Variants in SOX6 observed in about 807,000 individuals in gnomAD.
The protein encoded by SOX6 is SRY-box transcription factor 6, also known as transcription factor SOX-6.
Under a neutral mutation model 97.8 loss-of-function variants are expected in SOX6, and 11 were observed. The ratio of observed to expected loss-of-function variants is 0.11; its 90% CI spans 0.07 to 0.19. The LOEUF (loss-of-function observed/expected upper bound fraction) is 0.19, where lower values mean the gene tolerates loss of function less well. Ranked by LOEUF, SOX6 falls within the 10% of genes least tolerant of loss-of-function variation. The pLI is 1.00. For synonymous variants in SOX6, 360 were observed against 371.4 expected (o/e 0.97, Z 0.35); for missense variants, 810 against 1,039.5 (o/e 0.78, Z 3.04).
At chr11:16,039,998 G>GA (rs1348617504) in intron 12 of SOX6, among the ~76,000 whole-genome samples, 2 of 151,910 alleles carry the variant, frequency 1.3e-5, no homozygotes, top group East Asian at 3.9e-4. Context: ...GCCATAATGG[G>GA]AGGTTAGGTC....
At chr11:16,578,990 T>C (rs1426157833) in intron 4 of SOX6, among the ~76,000 whole-genome samples, 1 of 152,138 alleles carries the variant, frequency 6.6e-6, no homozygotes, top group Non-Finnish European at 1.5e-5. Context: ...AAACAAAATA[T>C]GGAAATATTC....
chr11:15,998,795 A>C (rs4335501), intron 13 of SOX6, among the ~76,000 whole-genome samples: 50,155 of 151,956 alleles, frequency 0.33, 9,061 homozygotes, highest in Non-Finnish European at 0.41. Context: ...ATCATGACTT[A>C]AATCAAGAAA....
At chr11:16,480,612 G>A (rs959292578), upstream of SOX6, among the ~76,000 whole-genome samples, 2 of 149,916 alleles carry the variant, frequency 1.3e-5, no homozygotes, top group Non-Finnish European at 3.0e-5. Context: ...TTAAAAGTCT[G>A]TCTTTAAGCC....
At chr11:16,534,546 CAA>C (rs1231746128) in intron 4 of SOX6, among the ~76,000 whole-genome samples, 5 of 151,958 alleles carry the variant, frequency 3.3e-5, no homozygotes, top group Non-Finnish European at 7.4e-5. Flanking sequence ...GATTTAGTTT[CAA>C]AAGTTTGGAA....
chr11:16,681,970 AT>A (rs1323714637), intron 3 of SOX6, among the ~76,000 whole-genome samples: 2 of 152,222 alleles, frequency 1.3e-5, no homozygotes, highest in Admixed American at 6.5e-5. Context: ...GCAATAATTA[AT>A]AGCCTAACAA....
chr11:16,642,487 T>G (rs538816002), intron 3 of SOX6, among the ~76,000 whole-genome samples: 6 of 152,370 alleles, frequency 3.9e-5, no homozygotes, highest in African/African-American at 1.4e-4. Context: ...GGAGACGTTC[T>G]CGTGGATAAT....
At chr11:16,359,467 G>GA (rs748459855), upstream of SOX6, among the ~76,000 whole-genome samples, 44 of 151,176 alleles carry the variant, frequency 2.9e-4, no homozygotes, top group Non-Finnish European at 4.7e-4. Flanking sequence ...TTTCCCTTAT[G>GA]AAAAAAAAAT....
chr11:16,484,300 T>TG, intron 4 of SOX6: 1 of 1,094,542 alleles, frequency 9.1e-7, no homozygotes, highest in Non-Finnish European at 1.4e-6. Flanking sequence ...ACTCATCCAA[T>TG]GGGGAAAATT....
chr11:16,365,214 A>G (rs1324688989), intron 1 of SOX6, among the ~76,000 whole-genome samples: 1 of 152,012 alleles, frequency 6.6e-6, no homozygotes, highest in East Asian at 1.9e-4. Flanking sequence ...GATAGGGTTC[A>G]GTACTATCTG....
At chr11:15,980,633 T>A (rs1853627121) in intron 15 of SOX6, among the ~76,000 whole-genome samples, 1 of 152,024 alleles carries the variant, frequency 6.6e-6, no homozygotes, top group Non-Finnish European at 1.5e-5. Flanking sequence ...TTCTTTTTTT[T>A]ACTATTGAAT....
chr11:16,132,506 A>AAGAAAGCT (rs1442386705), intron 6 of SOX6, among the ~76,000 whole-genome samples: 1 of 88,754 alleles, frequency 1.1e-5, no homozygotes, highest in East Asian at 2.3e-4. Context: ...GAAAGAAAGA[A>AAGAAAGCT]AGCTTATCTT....
chr11:16,331,244 C>T (rs1269045758), intron 2 of SOX6, among the ~76,000 whole-genome samples: 2 of 152,128 alleles, frequency 1.3e-5, no homozygotes, highest in Non-Finnish European at 2.9e-5. Context: ...AAAGAAATAA[C>T]TCATGGTATG....
At chr11:16,444,163 A>AT (rs1407561724) in intron 1 of SOX6, among the ~76,000 whole-genome samples, 12 of 152,086 alleles carry the variant, frequency 7.9e-5, no homozygotes. Context: ...TTAGTATATC[A>AT]TTTTTTCTGT....
At chr11:16,245,652 C>T (rs984491113) in intron 3 of SOX6, among the ~76,000 whole-genome samples, 8 of 151,520 alleles carry the variant, frequency 5.3e-5, no homozygotes, top group Admixed American at 5.3e-4. Flanking sequence ...AATATTATGT[C>T]TTCTTGGTTA....
intron 4 of SOX6, among the ~76,000 whole-genome samples, chr11:16,546,836 G>A (rs1387828145): frequency 6.6e-6 from 1 of 152,146 alleles, no homozygotes; most frequent in East Asian, 1.9e-4. Flanking sequence ...CCTGTGGAAT[G>A]GGAGAAAATA....
intron 6 of SOX6, among the ~76,000 whole-genome samples, chr11:16,139,970 T>TAC (rs1554935193): frequency 6.7e-6 from 1 of 148,274 alleles, no homozygotes; most frequent in Non-Finnish European, 1.5e-5. Context: ...TATATATATA[T>TAC]ATACATATAA....
intron 1 of SOX6, among the ~76,000 whole-genome samples, chr11:16,418,816 C>T (rs1203526774): frequency 1.3e-5 from 2 of 152,138 alleles, no homozygotes; most frequent in Non-Finnish European, 2.9e-5. Context: ...GGCACCCGTT[C>T]ACATAATGAG....
intron 1 of SOX6, among the ~76,000 whole-genome samples, chr11:16,396,655 T>C (rs746051988): frequency 4.0e-5 from 6 of 151,552 alleles, no homozygotes; most frequent in Non-Finnish European, 7.4e-5. Flanking sequence ...TGGCTTCTGA[T>C]TACATAGAGT....
chr11:16,373,453 A>C (rs963141171), intron 1 of SOX6, among the ~76,000 whole-genome samples: 1 of 151,932 alleles, frequency 6.6e-6, no homozygotes, highest in Non-Finnish European at 1.5e-5. Flanking sequence ...TCTTGGGGTT[A>C]CTCTTTCACT....
Sources: gnomAD v4.1 joint callset for allele counts (sites outside exome capture counted in the v4.1 genomes callset) on GRCh38, gnomAD v4.1.1 for gene constraint, MANE v1.5 for transcripts, NCBI Gene and HGNC (gene_info 2026-07-23, HGNC 2026-07-21) for gene names.